USP28: variants seen among roughly 807,000 people sequenced by gnomAD.
The protein encoded by USP28 is ubiquitin specific peptidase 28, also known as ubiquitin carboxyl-terminal hydrolase 28.
A neutral mutation model predicts 145.0 loss-of-function variants in USP28; 113 were observed. The observed-to-expected ratio is 0.78, with a 90% CI of 0.67 to 0.91. The LOEUF is 0.91. Ranked by LOEUF, USP28 falls within the 40% of genes least tolerant of loss-of-function variation. The pLI is 0.00. For missense variants in USP28, 1,201 were observed against 1,289.6 expected, an observed-to-expected ratio of 0.93 and a Z score of 1.05; for synonymous variants, 447 against 450.9, an observed-to-expected ratio of 0.99 and a Z score of 0.11.
chr11:113,819,208 G>A (rs1942230202), intron 12 of USP28, among the ~76,000 whole-genome samples: 2 of 151,898 alleles, frequency 1.3e-5, no homozygotes, highest in South Asian at 4.2e-4. Flanking sequence ...TGCCTCCTGG[G>A]TTCAAGCAAT....
At chr11:113,800,960 A>G (rs1236911347) in intron 24 of USP28, among the ~76,000 whole-genome samples, 2 of 151,070 alleles carry the variant, frequency 1.3e-5, no homozygotes, top group Non-Finnish European at 2.9e-5. Flanking sequence ...CTCCTGCCTC[A>G]GCCTCCCGAG....
chr11:113,808,885 GA>G (rs1284395395), intron 17 of USP28, among the ~76,000 whole-genome samples, 177 bp downstream of exon 17: 1 of 152,246 alleles, frequency 6.6e-6, no homozygotes, highest in African/African-American at 2.4e-5. Context: ...CTGTTCATCA[GA>G]AATCACATTC....
intron 1 of USP28, among the ~76,000 whole-genome samples, chr11:113,854,643 AC>A (rs1223018229): frequency 6.6e-6 from 1 of 152,086 alleles, no homozygotes; most frequent in East Asian, 1.9e-4. Flanking sequence ...CTCGTGATCC[AC>A]CCGCCTAGGC....
chr11:113,799,226 G>T, exon 25 of USP28: 1 of 1,608,802 alleles, frequency 6.2e-7, no homozygotes, highest in South Asian at 1.1e-5. Context: ...AATGGGCCTT[G>T]AACATGTGGG....
At chr11:113,819,793 C>T (rs1942330311) in intron 12 of USP28, among the ~76,000 whole-genome samples, 1 of 152,046 alleles carries the variant, frequency 6.6e-6, no homozygotes, top group African/African-American at 2.4e-5. Flanking sequence ...GATCTTGGCT[C>T]ACTGCAACCT....
intron 3 of USP28, among the ~76,000 whole-genome samples, chr11:113,845,971 G>T (rs1233482385): frequency 6.6e-6 from 1 of 152,152 alleles, no homozygotes; most frequent in African/African-American, 2.4e-5. Flanking sequence ...GTCCATTAAT[G>T]AATGGATAAA....
Position 113,834,355 on chromosome 11 carries a change from G to T in USP28, c.535-20C>A. On this transcript the variant is annotated intron_variant, in intron 5 of 24. Transcript: ENST00000003302. ...GAGAGACTGAAATAAAGAAAGAAAG[G>T]GATTCATAGCCTTTCCTGAAAATAA... is the stretch of plus-strand genomic sequence containing the variant. 1 of 1,539,920 alleles carries T rather than the reference G, an allele frequency of 6.5e-7. No homozygotes were observed. Among genetic ancestry groups the T allele is most frequent in the Non-Finnish European group, 8.9e-7 (1 of 1,124,238 alleles).
chr11:113,808,478 A>T, intron 17 of USP28, 41 bp from the exon 18 acceptor site: 1 of 1,606,778 alleles, frequency 6.2e-7, no homozygotes, highest in East Asian at 2.2e-5. Context: ...TCTAATGATA[A>T]ATAGTCTAGA....
At chr11:113,866,365 A>G (rs1948247056) in intron 1 of USP28, among the ~76,000 whole-genome samples, 1 of 152,214 alleles carries the variant, frequency 6.6e-6, no homozygotes. Flanking sequence ...GGGAGAAAAT[A>G]CTTTTAAATC....
intron 5 of USP28, among the ~76,000 whole-genome samples, chr11:113,840,317 C>T (rs1945057020): frequency 7.7e-6 from 1 of 129,902 alleles, no homozygotes; most frequent in Non-Finnish European, 1.8e-5. Flanking sequence ...TAGCCTTCAA[C>T]AACTGATTCC....
At position 113,875,444 on chromosome 11, in the gene USP28, C is replaced by A; in HGVS notation, c.57+1G>T. 1.1e-5 allele frequency: 14 copies of A among 1,251,722 alleles called. No homozygotes were observed. The highest frequency in any genetic ancestry group is 1.3e-5 in the Non-Finnish European group (13 of 992,568). The allele number at this position is 1,251,722 out of a possible 1,614,324, so 77.5% of individuals were successfully genotyped here. On this transcript the variant is annotated splice_donor_variant, in intron 1 of 24. Coordinates refer to ENST00000003302, the Ensembl canonical transcript of USP28. LOFTEE classifies it high-confidence loss of function. ...CTCCCGCTCGCCGCCGCGGAGCCCA[C>A]CGAGCCGTGGCCGTCTGCCGCGCCG...
intron 1 of USP28, among the ~76,000 whole-genome samples, chr11:113,869,886 G>C (rs1430177037): frequency 6.6e-6 from 1 of 152,150 alleles, no homozygotes; most frequent in Non-Finnish European, 1.5e-5. Context: ...TGTAGATTTG[G>C]AGCCAGGTGT....
chr11:113,815,714 A>G (rs1022604069), intron 13 of USP28, among the ~76,000 whole-genome samples: 7 of 152,224 alleles, frequency 4.6e-5, no homozygotes, highest in South Asian at 2.1e-4. Context: ...CTGATCACTG[A>G]TTATTCCTTC....
intron 5 of USP28, among the ~76,000 whole-genome samples, chr11:113,840,375 T>A (rs1388916837): frequency 6.6e-6 from 1 of 152,178 alleles, no homozygotes; most frequent in African/African-American, 2.4e-5. Flanking sequence ...TAAATGCTTA[T>A]CCAAAACACC....
At chr11:113,863,463 T>C (rs544168928) in intron 1 of USP28, among the ~76,000 whole-genome samples, 2 of 149,698 alleles carry the variant, frequency 1.3e-5, no homozygotes, top group East Asian at 4.0e-4. Flanking sequence ...CTGAGCAACG[T>C]GGCAAAACAC....
At chr11:113,845,412 G>A (rs564614819) in intron 3 of USP28, among the ~76,000 whole-genome samples, 1 of 151,202 alleles carries the variant, frequency 6.6e-6, no homozygotes, top group Admixed American at 6.6e-5. Flanking sequence ...CTCCAACCTG[G>A]GCGAAAGGTA....
chr11:113,844,008 A>G (rs1161837347), intron 3 of USP28, among the ~76,000 whole-genome samples: 1 of 152,200 alleles, frequency 6.6e-6, no homozygotes, highest in Non-Finnish European at 1.5e-5. Flanking sequence ...GAGCTAAAAT[A>G]TAAAAGTAGA....
At chr11:113,863,994 T>C (rs996416340) in intron 1 of USP28, among the ~76,000 whole-genome samples, 2 of 150,818 alleles carry the variant, frequency 1.3e-5, no homozygotes, top group African/African-American at 2.4e-5. Flanking sequence ...ATCCCAGCAC[T>C]TTGGGAAGCT....
intron 16 of USP28, among the ~76,000 whole-genome samples, chr11:113,810,710 CTG>C (rs1210953774): frequency 6.6e-6 from 1 of 152,232 alleles, no homozygotes; most frequent in Non-Finnish European, 1.5e-5. Context: ...AAGTCTCACT[CTG>C]TTGCCCAGGC....
Sources: gnomAD v4.1 joint callset for allele counts (sites outside exome capture counted in the v4.1 genomes callset) on GRCh38, gnomAD v4.1.1 for gene constraint, MANE v1.5 for transcripts, NCBI Gene and HGNC (gene_info 2026-07-23, HGNC 2026-07-21) for gene names.